The following PDE4DIP variants were observed in gnomAD, a reference collection of about 807,000 sequenced individuals.
The protein encoded by PDE4DIP is phosphodiesterase 4D interacting protein, also known as myomegalin.
Under a neutral mutation model 221.4 loss-of-function variants are expected in PDE4DIP, and 59 were observed. That is an observed-to-expected ratio of 0.27 (90% CI 0.22 to 0.33). PDE4DIP has a LOEUF of 0.33. Ranked by LOEUF, PDE4DIP falls within the 10% of genes least tolerant of loss-of-function variation. The pLI is 1.00. For synonymous variants in PDE4DIP, 404 were observed against 815.9 expected (o/e 0.50, Z 8.60); for missense variants, 1,036 against 2,154.2 (o/e 0.48, Z 10.28).
chr1:149,018,302 G>A (rs2071405381), intron 34 of PDE4DIP: 3 of 435,678 alleles, frequency 6.9e-6, no homozygotes, highest in Admixed American at 7.4e-5. Context: ...TACCACAGCA[G>A]CAGCTGTTTA....
intron 21 of PDE4DIP, chr1:148,983,601 A>G (rs1553545889): frequency 6.6e-6 from 1 of 152,520 alleles, no homozygotes; most frequent in Admixed American, 6.5e-5. Flanking sequence ...GATAAATTTT[A>G]TAATCCACAC....
At chr1:149,010,071 A>T (rs2068140498) in intron 30 of PDE4DIP, among the ~76,000 whole-genome samples, 1 of 152,026 alleles carries the variant, frequency 6.6e-6, no homozygotes, top group African/African-American at 2.4e-5. Context: ...TTCCTTGGTG[A>T]CTCTGTCAGA....
exon 21 of PDE4DIP, chr1:148,981,342 T>C: frequency 6.2e-7 from 1 of 1,614,048 alleles, no homozygotes. Flanking sequence ...TAGAAGAAGT[T>C]CTTGGAAGAA....
intron 32 of PDE4DIP, 85 bp from the exon 36 acceptor site, chr1:149,016,214 C>T: frequency 3.3e-6 from 3 of 902,060 alleles, no homozygotes; most frequent in Non-Finnish European, 5.1e-6. Flanking sequence ...CTTTTAGTCT[C>T]TATTCTTAGC....
exon 44 of PDE4DIP, chr1:149,032,338 C>G (rs2076945406): frequency 1.8e-6 from 1 of 564,622 alleles, no homozygotes; most frequent in South Asian, 2.1e-5. Context: ...GCCTCATCAG[C>G]TGTCCTGAGA....
rs587641560 is a variant in PDE4DIP, at chr1:148,998,989, C to G, written c.3137+614C>G. ...TCTCAATCTCCTGAACTCGTGATCC[C>G]CCCGCCTCAGCCTCCCAAAGTGCTG... is the stretch of plus-strand genomic sequence containing the variant. On this transcript the variant is annotated intron_variant, in intron 23 of 43. Transcript: ENST00000369354. 7.7e-3 allele frequency among the ~76,000 whole-genome samples: 932 copies of G among 120,384 alleles called. 17 individuals are homozygous for G. The highest frequency in any genetic ancestry group is 0.03 in the African/African-American group (893 of 30,140). 79.0% of individuals were successfully genotyped at this position (120,384 alleles called of 152,430 possible).
chr1:148,824,207 C>G (rs1490532611), intron 1 of PDE4DIP, among the ~76,000 whole-genome samples: 3 of 145,036 alleles, frequency 2.1e-5, no homozygotes, highest in Non-Finnish European at 4.6e-5. Flanking sequence ...TGCAGTCAAG[C>G]ACTCAGCTGG....
chr1:148,981,192 T>C (rs1553542481), intron 20 of PDE4DIP, 78 bp from the exon 24 acceptor site: 2 of 1,376,270 alleles, frequency 1.5e-6, no homozygotes, highest in East Asian at 2.3e-5. Flanking sequence ...GTGGTATTGA[T>C]GGTTCTTTGG....
rs61805008 is a variant in PDE4DIP at position 149,029,198 on chromosome 1, A to T, written c.6813+495A>T. 1.2e-3 allele frequency among the ~76,000 whole-genome samples: 189 copies of T among 152,076 alleles called. 1 individual carries two copies. Among genetic ancestry groups the T allele is most frequent in the African/African-American group, 3.5e-3 (145 of 41,464 alleles). On this transcript the variant is annotated intron_variant, in intron 41 of 43. Coordinates refer to ENST00000369354, the Ensembl canonical transcript of PDE4DIP. ...GGACCAGGCCTGGGGAAAGTCAGCC[A>T]CCCCTCAGGATCTGCTCAGAGCTCA...
chr1:148,960,053 A>G (rs1469241277), intron 5 of PDE4DIP, among the ~76,000 whole-genome samples: 6 of 152,320 alleles, frequency 3.9e-5, no homozygotes, highest in Non-Finnish European at 8.8e-5. Context: ...TGTAGATAGT[A>G]TACTCCTTTA....
Position 149,023,615 on chromosome 1 carries a change from T to C in PDE4DIP, c.6086-830T>C, listed in dbSNP as rs1449827301. Among the ~76,000 whole-genome samples, 410 of 139,874 alleles carry C rather than the reference T, an allele frequency of 2.9e-3. 36 individuals are homozygous for C. Among genetic ancestry groups the C allele is most frequent in the African/African-American group, 0.011 (377 of 34,556 alleles). 91.8% of individuals were successfully genotyped at this position (139,874 alleles called of 152,430 possible). A position where few individuals can be genotyped will look rare whatever the true frequency, so the allele number is the denominator to read the frequency against. ...ATATGTACATGTATATGTGTGCACA[T>C]ATATATGTACATGTATATGTGTGCA... is the stretch of plus-strand genomic sequence containing the variant. On this transcript the variant is annotated intron_variant, in intron 37 of 43. Transcript: ENST00000369354.
chr1:148,821,676 A>T (rs1553361055), intron 1 of PDE4DIP, among the ~76,000 whole-genome samples: 1 of 145,074 alleles, frequency 6.9e-6, no homozygotes, highest in African/African-American at 2.7e-5. Flanking sequence ...GTCACCTGAG[A>T]CCTCATAGGC....
chr1:149,030,386 G>T, intron 43 of PDE4DIP, 108 bp downstream of exon 46: 1 of 1,533,150 alleles, frequency 6.5e-7, no homozygotes, highest in South Asian at 1.2e-5. Context: ...CCTTCCAGGA[G>T]AAGACTTGGG....
intron 21 of PDE4DIP, 50 bp downstream of exon 24, chr1:148,981,447 A>C: frequency 1.9e-6 from 3 of 1,611,986 alleles, no homozygotes; most frequent in Non-Finnish European, 2.5e-6. Flanking sequence ...CCTACTGAGC[A>C]CTGGCGGGTC....
At chr1:149,023,990 C>T (rs1176227841) in intron 37 of PDE4DIP, among the ~76,000 whole-genome samples, 5 of 151,226 alleles carry the variant, frequency 3.3e-5, no homozygotes, top group Admixed American at 2.6e-4. Context: ...TATAATCCCT[C>T]GTCTAAGGTG....
chr1:149,009,735 A>G, exon 30 of PDE4DIP: 1 of 1,613,932 alleles, frequency 6.2e-7, no homozygotes, highest in Non-Finnish European at 8.5e-7. Flanking sequence ...TCTGACATGG[A>G]CATAGTCAGC....
chr1:148,971,730 G>A lies in PDE4DIP; in HGVS notation c.1981-450G>A, dbSNP rs587639061. Among the ~76,000 whole-genome samples, 50 of 152,224 alleles carry A rather than the reference G, an allele frequency of 3.3e-4. No homozygotes were observed. The South Asian group carries it at 6.0e-3, about 18-fold the overall frequency. On this transcript the variant is annotated intron_variant, in intron 14 of 43. Transcript: ENST00000369354. ...AAGATTGCTGTTTTGGATAGGATAC[G>A]CAGGAAAGACCAACCTGATAAGGTG...
intron 5 of PDE4DIP, among the ~76,000 whole-genome samples, chr1:148,960,198 A>G (rs587637848): frequency 1.6e-4 from 24 of 152,392 alleles, no homozygotes; most frequent in African/African-American, 4.8e-4. Flanking sequence ...AAATCTGCCA[A>G]TTTTTTCCAA....
exon 9 of PDE4DIP, chr1:148,962,459 A>G (rs370548673): frequency 3.0e-6 from 2 of 661,144 alleles, no homozygotes; most frequent in Non-Finnish European, 5.3e-6. Context: ...GCTCAGCAAC[A>G]GGTAGCTCTG....
Sources: allele counts gnomAD v4.1 joint callset (sites outside exome capture counted in the v4.1 genomes callset), GRCh38; gene constraint gnomAD v4.1.1; transcripts MANE v1.5; gene names NCBI Gene and HGNC (gene_info 2026-07-23, HGNC 2026-07-21).